RBFOX1: variants seen among roughly 807,000 people sequenced by gnomAD.
RBFOX1 encodes the protein RNA binding fox-1 homolog 1, also known as RNA binding protein fox-1 homolog 1.
Under a neutral mutation model 57.7 loss-of-function variants are expected in RBFOX1, and 8 were observed. The observed-to-expected ratio is 0.14, with a 90% CI of 0.08 to 0.25. RBFOX1 has a LOEUF of 0.25. Ranked by LOEUF, RBFOX1 falls within the 10% of genes least tolerant of loss-of-function variation. The pLI is 1.00. For missense variants in RBFOX1, 611 were observed against 548.5 expected (o/e 1.11, Z -1.14); for synonymous variants, 326 against 222.4 (o/e 1.47, Z -4.15).
intron 1 of RBFOX1, among the ~76,000 whole-genome samples, chr16:5,390,280 G>T (rs200267663): frequency 2.2e-4 from 11 of 49,390 alleles, no homozygotes; most frequent in Non-Finnish European, 2.0e-4. Context: ...TCGAAAAGTA[G>T]TTTTTTTTTT....
At chr16:7,292,687 G>C (rs573838659) in intron 4 of RBFOX1, among the ~76,000 whole-genome samples, 1 of 151,706 alleles carries the variant, frequency 6.6e-6, no homozygotes. Flanking sequence ...TACAATACAT[G>C]TGCATTAAAA....
intron 1 of RBFOX1, among the ~76,000 whole-genome samples, chr16:6,045,330 T>C (rs752896596): frequency 9.9e-5 from 15 of 152,052 alleles, no homozygotes; most frequent in African/African-American, 1.4e-4. Context: ...AATGCTTGGG[T>C]GTTTGGTGAT....
intron 2 of RBFOX1, among the ~76,000 whole-genome samples, chr16:5,592,785 C>T (rs1366153121): frequency 1.3e-5 from 2 of 152,198 alleles, no homozygotes; most frequent in Non-Finnish European, 2.9e-5. Context: ...TCATAGGCTC[C>T]TCAGCCTGCT....
Position 7,518,235 on chromosome 16 carries a change from C to T in RBFOX1, c.116C>T (p.Ala39Val). The change falls in exon 5 of 16, where the codon GCG (alanine) becomes GTG (valine). Residue 39 changes from alanine (A) to valine (V), a missense_variant. Physicochemically the swap from Ala to Val is moderately conservative, Grantham distance 64. This residue lies in a region of RBFOX1 where 245 missense variants were observed against 159.1 expected (regional missense o/e 1.54). Transcript: ENST00000550418. ...GCTCCCCCGCAGAACGGTATCCCCG[C>T]GGAATACACGGCCCCTCATCCCCAC... Reference protein sequence around the residue: ...QFAPPQNGIPAEYTAPHPHPA... With the variant: ...QFAPPQNGIPVEYTAPHPHPA... 1.9e-6 allele frequency: 3 copies of T among 1,614,130 alleles called. No individual in the cohort carries two copies. The highest frequency in any genetic ancestry group is 2.5e-6 in the Non-Finnish European group (3 of 1,180,008).
Position 6,570,358 on chromosome 16 carries a change from G to A in RBFOX1, c.-63-84245G>A, listed in dbSNP as rs774336991. Among the ~76,000 whole-genome samples, 5 of 152,076 alleles carry A rather than the reference G, an allele frequency of 3.3e-5. 1 individual carries two copies. The highest frequency in any genetic ancestry group is 1.2e-4 in the African/African-American group (5 of 41,408). ...AGGATTGTGTTCCAGGCCCCTCCTG[G>A]AACAGGCCAAAGTAAGTAAAATCGA... On this transcript the variant is annotated intron_variant, in intron 2 of 15. Transcript: ENST00000550418.
At chr16:6,989,762 G>C (rs917487974) in intron 3 of RBFOX1, among the ~76,000 whole-genome samples, 5 of 152,156 alleles carry the variant, frequency 3.3e-5, no homozygotes, top group Non-Finnish European at 1.5e-5. Context: ...CACTTTGGGA[G>C]GCTAAGGCAG....
chr16:6,352,952 T>C (rs778800930), intron 2 of RBFOX1, among the ~76,000 whole-genome samples: 1 of 152,096 alleles, frequency 6.6e-6, no homozygotes, highest in African/African-American at 2.4e-5. Flanking sequence ...TTCATTTGCT[T>C]TGGGGCATGA....
intron 3 of RBFOX1, among the ~76,000 whole-genome samples, chr16:6,906,009 G>T (rs2069796548): frequency 6.6e-6 from 1 of 152,162 alleles, no homozygotes; most frequent in Admixed American, 6.5e-5. Context: ...GAAATCCTCT[G>T]CCTTCCTCTG....
intron 4 of RBFOX1, among the ~76,000 whole-genome samples, chr16:7,448,661 T>G (rs1380601164): frequency 2.0e-5 from 3 of 152,140 alleles, no homozygotes; most frequent in Admixed American, 2.0e-4. Context: ...AAGGATTTGT[T>G]CTTTGTTTCT....
intron 4 of RBFOX1, among the ~76,000 whole-genome samples, chr16:7,192,831 C>A (rs1293035303): frequency 2.0e-5 from 3 of 152,156 alleles, no homozygotes; most frequent in Admixed American, 1.3e-4. Context: ...TTGGAACATA[C>A]AAAACACACT....
chr16:5,570,860 A>G (rs563686725), intron 2 of RBFOX1, among the ~76,000 whole-genome samples: 40 of 151,086 alleles, frequency 2.6e-4, no homozygotes, highest in Admixed American at 5.9e-4. Context: ...AAAATAAAGC[A>G]TTTCATAGAT....
chr16:6,589,619 G>T (rs1225526824), intron 2 of RBFOX1, among the ~76,000 whole-genome samples: 2 of 152,226 alleles, frequency 1.3e-5, no homozygotes, highest in Non-Finnish European at 2.9e-5. Flanking sequence ...TCAAAATCTT[G>T]CAGCTCCTAG....
At chr16:6,813,896 A>G (rs142326534) in intron 3 of RBFOX1, among the ~76,000 whole-genome samples, 4 of 152,016 alleles carry the variant, frequency 2.6e-5, no homozygotes, top group Non-Finnish European at 4.4e-5. Context: ...ATGAAGGGAG[A>G]TAATGGTCCA....
chr16:6,019,662 C>T lies in RBFOX1; in HGVS notation c.-457C>T, dbSNP rs543984071. 1.5e-6 allele frequency: 2 copies of T among 1,302,736 alleles called. No individual in the cohort carries two copies. Among genetic ancestry groups the T allele is most frequent in the Admixed American group, 3.6e-5 (1 of 27,458 alleles). 80.7% of individuals were successfully genotyped at this position (1,302,736 alleles called of 1,614,324 possible). A position where few individuals can be genotyped will look rare whatever the true frequency, so the allele number is the denominator to read the frequency against. On this transcript the variant is annotated 5_prime_UTR_variant, in exon 1 of 16. Coordinates refer to ENST00000550418, the MANE Select transcript of RBFOX1 (RefSeq NM_018723.4). The surrounding 1 kb of genome is among the most constrained non-coding windows in gnomAD (Gnocchi z 4.2). ...GGACAGCCAGCCGTGGGCCCCGCCC[C>T]GGCGTCCGGAGCAGGAGAACTCCGA...
At chr16:6,681,946 A>AT (rs1379873340) in intron 3 of RBFOX1, among the ~76,000 whole-genome samples, 2 of 152,170 alleles carry the variant, frequency 1.3e-5, no homozygotes, top group Non-Finnish European at 2.9e-5. Flanking sequence ...GTAAGTTTTG[A>AT]TATTAATATC....
At chr16:7,412,670 A>G (rs545293880) in intron 4 of RBFOX1, among the ~76,000 whole-genome samples, 2 of 152,316 alleles carry the variant, frequency 1.3e-5, no homozygotes, top group South Asian at 4.1e-4. Flanking sequence ...TAGACTCCCA[A>G]AGGCTTTTAC....
chr16:5,369,176 A>G (rs990809149), intron 1 of RBFOX1, among the ~76,000 whole-genome samples: 14 of 152,146 alleles, frequency 9.2e-5, no homozygotes, highest in African/African-American at 3.4e-4. Context: ...TAATTTTTGT[A>G]TTTTTAGTGG....
chr16:5,850,914 G>A (rs2056880945), intron 3 of RBFOX1, among the ~76,000 whole-genome samples: 1 of 152,238 alleles, frequency 6.6e-6, no homozygotes, highest in Non-Finnish European at 1.5e-5. Context: ...GGGACAGCAG[G>A]TGCGCAGCCT....
At chr16:6,861,526 C>G (rs1270083320) in intron 3 of RBFOX1, among the ~76,000 whole-genome samples, 3 of 139,344 alleles carry the variant, frequency 2.2e-5, no homozygotes, top group Non-Finnish European at 4.6e-5. Flanking sequence ...TGCTTCAACT[C>G]TCAATGTTCC....
Sources: gnomAD v4.1 joint callset for allele counts (sites outside exome capture counted in the v4.1 genomes callset) on GRCh38, gnomAD v4.1.1 for gene constraint, gnomAD v4.1.1 regional missense constraint, Gnocchi (gnomAD v3.1) non-coding constraint, MANE v1.5 for transcripts, NCBI Gene and HGNC (gene_info 2026-07-23, HGNC 2026-07-21) for gene names.